Variants in ALK observed in about 807,000 individuals in gnomAD.
The protein encoded by ALK is ALK receptor tyrosine kinase, also known as ALK tyrosine kinase receptor.
ALK carries 74 observed loss-of-function variants against 163.1 expected under a neutral mutation model. That is an observed-to-expected ratio of 0.45 (90% CI 0.38 to 0.55). The LOEUF (loss-of-function observed/expected upper bound fraction) is 0.55. ALK is among the 20% of genes least tolerant of loss of function. ALK has a pLI of 0.00. For synonymous variants in ALK, 960 were observed against 843.2 expected (o/e 1.14, Z -2.40); for missense variants, 2,063 against 2,105.3 (o/e 0.98, Z 0.39).
chr2:29,498,547 T>A (rs1199903447), intron 4 of ALK, among the ~76,000 whole-genome samples: 1 of 152,148 alleles, frequency 6.6e-6, no homozygotes, highest in Admixed American at 6.5e-5. Context: ...GGGTCTTGGG[T>A]GCAGTTGTAC....
At chr2:29,320,599 G>T in intron 7 of ALK, 152 bp downstream of exon 7, 1 of 1,066,152 alleles carries the variant, frequency 9.4e-7, no homozygotes, top group South Asian at 1.3e-5. Flanking sequence ...CCCAAGGTGT[G>T]AAGAGGGAAT....
rs545927774 is a variant in ALK, at chr2:29,867,243, C to T, written c.667+52750G>A. 4.6e-5 allele frequency among the ~76,000 whole-genome samples: 7 copies of T among 152,242 alleles called. No individual in the cohort carries two copies. In the South Asian group the frequency reaches 1.5e-3, roughly 32 times the overall value. On this transcript the variant is annotated intron_variant, in intron 1 of 28. Transcript: ENST00000389048. ...GATGGCAAAATAAAGTTATTTTTGT[C>T]TCCTCATGTCCCTTTAAGGAAGTTT...
At chr2:29,821,445 A>T (rs1374536698) in intron 1 of ALK, among the ~76,000 whole-genome samples, 1 of 152,140 alleles carries the variant, frequency 6.6e-6, no homozygotes, top group East Asian at 1.9e-4. Context: ...TCTCTCTTGC[A>T]CAGATCGAAG....
Position 29,919,980 on chromosome 2 carries a change from G to C in ALK, c.667+13C>G, listed in dbSNP as rs762116831. ...ACACTAAATCCCGGCACACTCAGGC[G>C]GGAGCTGCTCACCAGTCCCGAAGAT... On this transcript the variant is annotated intron_variant, in intron 1 of 28. Transcript: ENST00000389048. 2 of 1,612,378 alleles carry C rather than the reference G, an allele frequency of 1.2e-6. No homozygotes were observed. The highest frequency in any genetic ancestry group is 1.7e-6 in the Non-Finnish European group (2 of 1,178,720).
intron 4 of ALK, among the ~76,000 whole-genome samples, chr2:29,418,109 C>T (rs1043418804): frequency 2.6e-5 from 4 of 152,116 alleles, no homozygotes; most frequent in Admixed American, 6.6e-5. Context: ...TAATTGGATT[C>T]GATTCGTCCT....
In ALK at chr2:29,522,817, T is replaced by A. The variant is rs944117097; in HGVS notation, c.1154+9098A>T. 2.6e-5 allele frequency among the ~76,000 whole-genome samples: 4 copies of A among 152,098 alleles called. No homozygotes were observed. In the South Asian group the frequency reaches 8.3e-4, roughly 31 times the overall value. On this transcript the variant is annotated intron_variant, in intron 4 of 28. Coordinates refer to ENST00000389048, the MANE Select transcript of ALK (RefSeq NM_004304.5). ...ATCCACTGAAACCCACTTGTGCTGGTGTAAAAAATAGTTGTATGCACAGAT... is the reference window on the plus strand; with the variant it reads ...ATCCACTGAAACCCACTTGTGCTGGAGTAAAAAATAGTTGTATGCACAGAT...
intron 4 of ALK, among the ~76,000 whole-genome samples, chr2:29,391,699 T>C (rs1363713184): frequency 6.6e-6 from 1 of 152,154 alleles, no homozygotes; most frequent in Non-Finnish European, 1.5e-5. Flanking sequence ...TTCTTGCTTC[T>C]ATTCCTCCCT....
At chr2:29,815,297 C>T (rs373555482) in intron 1 of ALK, among the ~76,000 whole-genome samples, 13 of 151,800 alleles carry the variant, frequency 8.6e-5, no homozygotes, top group African/African-American at 3.1e-4. Flanking sequence ...TAGCACAGTA[C>T]CTGGAAAGAT....
At chr2:29,336,829 TC>T in intron 5 of ALK, among the ~76,000 whole-genome samples, 1 of 152,324 alleles carries the variant, frequency 6.6e-6, no homozygotes, top group South Asian at 2.1e-4. Context: ...TTTCTGGCCA[TC>T]TCCTACCTGC....
chr2:29,757,398 C>T (rs899932394), intron 1 of ALK, among the ~76,000 whole-genome samples: 1 of 152,122 alleles, frequency 6.6e-6, no homozygotes, highest in Non-Finnish European at 1.5e-5. Flanking sequence ...ATATGAGTGG[C>T]GGAGCTGAGA....
chr2:29,651,227 G>C (rs941351256), intron 3 of ALK, among the ~76,000 whole-genome samples: 3 of 152,112 alleles, frequency 2.0e-5, no homozygotes, highest in Non-Finnish European at 4.4e-5. Flanking sequence ...GATAGTGGGG[G>C]CTGCGCTTCA....
chr2:29,851,587 G>T (rs1326090837), intron 1 of ALK, among the ~76,000 whole-genome samples: 1 of 152,150 alleles, frequency 6.6e-6, no homozygotes, highest in Middle Eastern at 3.2e-3. Flanking sequence ...AGGGCTTTTG[G>T]GCTCAGTAAG....
chr2:29,475,410 A>G (rs1428137670), intron 4 of ALK, among the ~76,000 whole-genome samples: 1 of 152,180 alleles, frequency 6.6e-6, no homozygotes, highest in Non-Finnish European at 1.5e-5. Context: ...CCAAGGTCAC[A>G]CGGCGTAGGT....
At chr2:29,814,469 G>C (rs935726437) in intron 1 of ALK, among the ~76,000 whole-genome samples, 5 of 151,936 alleles carry the variant, frequency 3.3e-5, no homozygotes, top group African/African-American at 9.7e-5. Context: ...GACCATCCTG[G>C]CTAACACAGT....
In ALK at chr2:29,338,278, T is replaced by C. The variant is rs78763331; in HGVS notation, c.1283-9797A>G. Among the ~76,000 whole-genome samples, 238 of 152,226 alleles carry C rather than the reference T, an allele frequency of 1.6e-3. 2 individuals are homozygous for C. The highest frequency in any genetic ancestry group is 0.014 in the East Asian group (74 of 5,180). ...TAGCTATGAAAAATTATACTTGCAATGATGGGTTTTCAGCATTAGTTGTCT... is the reference window on the plus strand; with the variant it reads ...TAGCTATGAAAAATTATACTTGCAACGATGGGTTTTCAGCATTAGTTGTCT... On this transcript the variant is annotated intron_variant, in intron 5 of 28. Transcript: ENST00000389048.
At chr2:29,514,816 C>G (rs1013306818) in intron 4 of ALK, among the ~76,000 whole-genome samples, 1 of 152,192 alleles carries the variant, frequency 6.6e-6, no homozygotes, top group Non-Finnish European at 1.5e-5. Flanking sequence ...TCACTTTTCT[C>G]TATGCCTCAC....
chr2:29,748,005 C>T (rs1680251250), intron 1 of ALK, among the ~76,000 whole-genome samples: 1 of 152,222 alleles, frequency 6.6e-6, no homozygotes, highest in African/African-American at 2.4e-5. Flanking sequence ...ATCTCTGCTT[C>T]TCTGAGCTAG....
At chr2:29,521,925 G>A (rs1672825039) in intron 4 of ALK, among the ~76,000 whole-genome samples, 1 of 152,236 alleles carries the variant, frequency 6.6e-6, no homozygotes, top group Non-Finnish European at 1.5e-5. Flanking sequence ...GGCAGTGCCA[G>A]ACATAAGTCT....
In ALK at chr2:29,315,974, C is replaced by T. The variant is rs916105999; in HGVS notation, c.1647+2330G>A. 1.2e-4 allele frequency among the ~76,000 whole-genome samples: 19 copies of T among 152,218 alleles called. No individual in the cohort carries two copies. The East Asian group carries it at 3.3e-3, about 26-fold the overall frequency. ...TGCCTAGTGTCCATCTTTCTGCACT[C>T]GGGCCCCATAGGCAACAGAGGCCCC... is the stretch of plus-strand genomic sequence containing the variant. On this transcript the variant is annotated intron_variant, in intron 8 of 28. Coordinates refer to ENST00000389048, the MANE Select transcript of ALK (RefSeq NM_004304.5).
Sources: gnomAD v4.1 joint callset for allele counts (sites outside exome capture counted in the v4.1 genomes callset) on GRCh38, gnomAD v4.1.1 for gene constraint, MANE v1.5 for transcripts, NCBI Gene and HGNC (gene_info 2026-07-23, HGNC 2026-07-21) for gene names.